Variants in OPA1 observed in about 807,000 individuals in gnomAD.
OPA1 encodes the protein dynamin-like GTPase OPA1, mitochondrial.
In OPA1, 59 loss-of-function variants were observed where a neutral mutation model predicts 152.9. The ratio of observed to expected loss-of-function variants is 0.39; its 90% confidence interval spans 0.31 to 0.48. The LOEUF (loss-of-function observed/expected upper bound fraction) is 0.48. Ranked by LOEUF, OPA1 falls within the 20% of genes least tolerant of loss-of-function variation. The pLI is 0.96. For synonymous variants in OPA1, 400 were observed against 389.9 expected, an observed-to-expected ratio of 1.03 and a Z score of -0.31; for missense variants, 1,008 against 1,216.8, an observed-to-expected ratio of 0.83 and a Z score of 2.55.
chr3:193,640,028 A>G (rs1239540530), intron 11 of OPA1, among the ~76,000 whole-genome samples: 1 of 152,094 alleles, frequency 6.6e-6, no homozygotes, highest in East Asian at 1.9e-4. Flanking sequence ...CTGTCAGTGG[A>G]TCAGGTTTGG....
chr3:193,645,565 A>C lies in OPA1; in HGVS notation c.1621A>C (p.Ile541Leu), dbSNP rs373593484. Residue 541 changes from isoleucine (I) to leucine (L), a missense_variant, in exon 17 of 31, where the codon ATT (isoleucine) becomes CTT (leucine). Coordinates refer to ENST00000361510, the MANE Select transcript of OPA1 (RefSeq NM_130837.3). ...CTTTTAAAAATAGATTCAGCAGATA[A>C]TTGAAGGAAAGCTCTTCCCAATGAA... ...VASPSRIQQI[I>L]EGKLFPMKAL... The C allele has an allele frequency of 1.2e-6, 2 of 1,612,590 alleles. No individual in the cohort carries two copies. The highest frequency in any genetic ancestry group is 1.7e-6 in the Non-Finnish European group (2 of 1,178,974).
chr3:193,657,968 G>A (rs771943720), intron 23 of OPA1, among the ~76,000 whole-genome samples: 8 of 152,118 alleles, frequency 5.3e-5, no homozygotes, highest in Non-Finnish European at 1.0e-4. Flanking sequence ...CTTTATGGCC[G>A]GGCGTGGTGG....
intron 29 of OPA1, among the ~76,000 whole-genome samples, chr3:193,683,223 A>C (rs1720435526): frequency 6.6e-6 from 1 of 151,924 alleles, no homozygotes; most frequent in African/African-American, 2.4e-5. Flanking sequence ...AAACTTGAAC[A>C]GATGAAACAT....
chr3:193,678,781 T>G (rs11919240), intron 29 of OPA1, among the ~76,000 whole-genome samples: 141 of 152,256 alleles, frequency 9.3e-4, no homozygotes, highest in African/African-American at 3.2e-3. Context: ...TGGCCTTCCT[T>G]TGTGTGCTTG....
intron 22 of OPA1, among the ~76,000 whole-genome samples, chr3:193,656,794 A>G (rs1366430370): frequency 6.6e-6 from 1 of 152,202 alleles, no homozygotes; most frequent in Non-Finnish European, 1.5e-5. Context: ...GCAGACTTTT[A>G]TATGAAATCT....
intron 29 of OPA1, chr3:193,689,111 A>T (rs1721339021): frequency 7.9e-5 from 12 of 152,252 alleles, no homozygotes; most frequent in Admixed American, 7.8e-4. Flanking sequence ...ATGAAACGCC[A>T]AATTTGGAAA....
At chr3:193,639,009 G>A (rs1371611635) in intron 11 of OPA1, among the ~76,000 whole-genome samples, 1 of 152,122 alleles carries the variant, frequency 6.6e-6, no homozygotes, top group Non-Finnish European at 1.5e-5. Flanking sequence ...TAATAAAGGG[G>A]GGAAATGATG....
At chr3:193,621,968 T>C (rs1438375667) in intron 6 of OPA1, among the ~76,000 whole-genome samples, 2 of 152,172 alleles carry the variant, frequency 1.3e-5, no homozygotes, top group Non-Finnish European at 2.9e-5. Flanking sequence ...GATTATTGTG[T>C]TCCAGTGAAA....
At position 193,696,940 on chromosome 3, in the gene OPA1, GTCAA is replaced by G. The variant is rs1722297649; in HGVS notation, c.*2341_*2344del. 1 of 152,224 alleles carries G rather than the reference GTCAA, an allele frequency of 6.6e-6. No individual in the cohort carries two copies. The highest frequency in any genetic ancestry group is 2.4e-5 in the African/African-American group (1 of 41,452). The allele number at this position is 152,224 out of a possible 1,614,324, so 9.4% of individuals were successfully genotyped here. On this transcript the variant is annotated 3_prime_UTR_variant, in exon 31 of 31. Transcript: ENST00000361510. ...CTGTGCTATAGTTGCGGGTGGAACA[GTCAA>G]CCTTTCTAGTAGTTTATGATATTGC... is the stretch of plus-strand genomic sequence containing the variant.
Position 193,617,770 on chromosome 3 carries a change from C to G in OPA1, c.557-14C>G, listed in dbSNP as rs1367659059. 1 of 1,599,766 alleles carries G rather than the reference C, an allele frequency of 6.3e-7. No homozygotes were observed. Among genetic ancestry groups the G allele is most frequent in the Non-Finnish European group, 8.6e-7 (1 of 1,167,340 alleles). On this transcript the variant is annotated splice_polypyrimidine_tract_variant and intron_variant, in intron 4 of 30. Transcript: ENST00000361510. ...TTTTACATTTCTATTTCCCCTTTTG[C>G]TGATTTTTCACAGGTCACAAATTGG...
At chr3:193,667,332 T>C in intron 29 of OPA1, 52 bp downstream of exon 29, 1 of 893,750 alleles carries the variant, frequency 1.1e-6, no homozygotes, top group East Asian at 2.4e-5. Flanking sequence ...CTTTCCCATT[T>C]CCATTTGTTT....
intron 16 of OPA1, among the ~76,000 whole-genome samples, chr3:193,645,342 C>T (rs529597954): frequency 1.3e-5 from 2 of 152,070 alleles, no homozygotes; most frequent in African/African-American, 4.8e-5. Context: ...TCCGGGTTTT[C>T]GATACGTGTG....
At chr3:193,606,054 T>G (rs1320136117) in intron 1 of OPA1, among the ~76,000 whole-genome samples, 1 of 152,124 alleles carries the variant, frequency 6.6e-6, no homozygotes, top group African/African-American at 2.4e-5. Context: ...AAGTTGAATA[T>G]TGTCAGGAGG....
rs747716902 is a variant in OPA1, at chr3:193,665,034, A to C, written c.2778+38A>C. On this transcript the variant is annotated intron_variant, in intron 27 of 30. Transcript: ENST00000361510. Reference sequence around the variant, plus strand: ...AAAACAAAGAGAAGTATTTTTAAGCAACAGTTGTCAAAATATGCTTAAAAG... The same window carrying C: ...AAAACAAAGAGAAGTATTTTTAAGCCACAGTTGTCAAAATATGCTTAAAAG... The C allele has an allele frequency of 7.1e-5, 79 of 1,113,664 alleles. No individual in the cohort carries two copies. In the Admixed American group the frequency reaches 1.3e-3, roughly 19 times the overall value. 69.0% of individuals were successfully genotyped at this position (1,113,664 alleles called of 1,614,324 possible).
chr3:193,657,184 A>G lies in OPA1; in HGVS notation c.2283A>G (p.Glu761=). The G allele has an allele frequency of 6.2e-7, 1 of 1,614,060 alleles. No homozygotes were observed. The highest frequency in any genetic ancestry group is 8.5e-7 in the Non-Finnish European group (1 of 1,179,942). The change falls in exon 23 of 31, where the codon GAA becomes GAG. Residue 761 remains glutamate, a synonymous_variant. Coordinates refer to ENST00000361510, the MANE Select transcript of OPA1 (RefSeq NM_130837.3). ...ATAAACTTAAAGAGGCTGTTAAGGA[A>G]GAAAGTATTAAACGACACAAGTGGA... ...IFDKLKEAVK[E]ESIKRHKWND...
rs535192922 is a variant in OPA1 at position 193,643,894 on chromosome 3, CAG to C, written c.1478-80_1478-79del. ...AATCTTTCTTGCTATAATGTAGACA[CAG>C]GGGTATAATTTGTACTGAGTTTTAA... is the stretch of plus-strand genomic sequence containing the variant. On this transcript the variant is annotated intron_variant, in intron 15 of 30. Coordinates refer to ENST00000361510, the MANE Select transcript of OPA1 (RefSeq NM_130837.3). 3.3e-4 allele frequency: 453 copies of C among 1,391,580 alleles called. 3 individuals carry two copies. In the South Asian group the frequency reaches 4.3e-3, roughly 13 times the overall value. 86.2% of individuals were successfully genotyped at this position (1,391,580 alleles called of 1,614,324 possible). A position where few individuals can be genotyped will look rare whatever the true frequency, so the allele number is the denominator to read the frequency against.
chr3:193,631,695 A>G (rs1405511814), intron 8 of OPA1, 30 bp downstream of exon 8: 2 of 1,578,004 alleles, frequency 1.3e-6, no homozygotes, highest in Non-Finnish European at 8.7e-7. Flanking sequence ...AAAACTAGGG[A>G]CTTTTAAAAA....
At chr3:193,671,812 T>C (rs1371627430) in intron 29 of OPA1, among the ~76,000 whole-genome samples, 1 of 152,226 alleles carries the variant, frequency 6.6e-6, no homozygotes, top group Non-Finnish European at 1.5e-5. Context: ...ATTAGGGTCA[T>C]GTGAAAGTAC....
chr3:193,631,801 G>A (rs916125615), intron 8 of OPA1, 136 bp downstream of exon 8: 3 of 730,598 alleles, frequency 4.1e-6, no homozygotes, highest in Non-Finnish European at 4.9e-6. Flanking sequence ...ATTATCGATA[G>A]ATGCAAAAGC....
Sources: gnomAD v4.1 joint callset for allele counts (sites outside exome capture counted in the v4.1 genomes callset) on GRCh38, gnomAD v4.1.1 for gene constraint, MANE v1.5 for transcripts, NCBI Gene and HGNC (gene_info 2026-07-23, HGNC 2026-07-21) for gene names.